The following MYO3B variants were observed in gnomAD, a reference collection of about 807,000 sequenced individuals.
MYO3B encodes the protein myosin IIIB, also known as myosin-IIIb.
Under a neutral mutation model 174.6 loss-of-function variants are expected in MYO3B, and 156 were observed. The ratio of observed to expected loss-of-function variants is 0.89; its 90% CI spans 0.78 to 1.02. MYO3B has a LOEUF of 1.02. MYO3B is among the 50% of genes least tolerant of loss of function. The probability of loss-of-function intolerance (pLI) is 0.00; values close to 1 mark genes in which losing one functional copy is unlikely to be tolerated. For synonymous variants in MYO3B, 563 were observed against 569.1 expected (o/e 0.99, Z 0.15); for missense variants, 1,632 against 1,639.4 (o/e 1.00, Z 0.08).
At chr2:170,267,898 G>GA (rs1454819266) in intron 7 of MYO3B, among the ~76,000 whole-genome samples, 1 of 152,118 alleles carries the variant, frequency 6.6e-6, no homozygotes, top group African/African-American at 2.4e-5. Flanking sequence ...ATGTTGTAGG[G>GA]AAAAAATGGA....
intron 32 of MYO3B, among the ~76,000 whole-genome samples, chr2:170,572,915 C>G (rs1692534946): frequency 6.6e-6 from 1 of 151,942 alleles, no homozygotes; most frequent in African/African-American, 2.4e-5. Context: ...CTAGTTATTC[C>G]TTAGTCTCTT....
intron 1 of MYO3B, among the ~76,000 whole-genome samples, chr2:170,183,264 A>AC (rs1200413808): frequency 3.3e-5 from 5 of 152,126 alleles, no homozygotes; most frequent in Non-Finnish European, 7.4e-5. Context: ...CTCAAAAAAA[A>AC]ACAATTATTT....
intron 9 of MYO3B, among the ~76,000 whole-genome samples, chr2:170,379,193 AATTTTTT>A (rs2094316639): frequency 7.4e-6 from 1 of 134,632 alleles, no homozygotes; most frequent in African/African-American, 2.8e-5. Flanking sequence ...AATGTGGTAC[AATTTTTT>A]TTTTTTTTTT....
intron 7 of MYO3B, among the ~76,000 whole-genome samples, chr2:170,259,848 G>A (rs545903995): frequency 1.0e-3 from 152 of 152,024 alleles, no homozygotes; most frequent in African/African-American, 3.3e-3. Context: ...GAATGTGTAA[G>A]GAACTTAAAT....
At chr2:170,400,650 C>T (rs928463007) in intron 17 of MYO3B, among the ~76,000 whole-genome samples, 11 of 91,558 alleles carry the variant, frequency 1.2e-4, no homozygotes, top group African/African-American at 4.8e-4. Flanking sequence ...TGATCCACCC[C>T]CCCCCCCTCG....
chr2:170,629,052 C>A (rs111525688), intron 32 of MYO3B, among the ~76,000 whole-genome samples: 5 of 152,290 alleles, frequency 3.3e-5, no homozygotes, highest in Admixed American at 6.5e-5. Flanking sequence ...TTCATCCATA[C>A]CCACAGTGTT....
At chr2:170,262,308 G>T (rs1175066173) in intron 7 of MYO3B, among the ~76,000 whole-genome samples, 3 of 152,156 alleles carry the variant, frequency 2.0e-5, no homozygotes, top group African/African-American at 4.8e-5. Context: ...TGAGAGACGG[G>T]GCTAGATGGT....
chr2:170,212,797 G>A (rs1022456284), intron 3 of MYO3B, among the ~76,000 whole-genome samples: 1 of 152,154 alleles, frequency 6.6e-6, no homozygotes, highest in African/African-American at 2.4e-5. Context: ...CCCAGTGCTC[G>A]TGTCTGGCTC....
At chr2:170,402,770 A>T in intron 18 of MYO3B, 78 bp from the exon 19 acceptor site, 1 of 1,375,274 alleles carries the variant, frequency 7.3e-7, no homozygotes, top group South Asian at 1.9e-5. Context: ...GCTGATAAGC[A>T]CTTGGGCACA....
At chr2:170,261,656 G>A (rs1471652651) in intron 7 of MYO3B, among the ~76,000 whole-genome samples, 2 of 152,218 alleles carry the variant, frequency 1.3e-5, no homozygotes, top group Admixed American at 6.5e-5. Context: ...TCATCATGAA[G>A]TGTACACAGT....
At chr2:170,512,358 C>G (rs971742619) in intron 28 of MYO3B, among the ~76,000 whole-genome samples, 5 of 152,216 alleles carry the variant, frequency 3.3e-5, no homozygotes, top group African/African-American at 7.2e-5. Context: ...GATAAGATGG[C>G]TGATGACCAG....
In MYO3B at chr2:170,445,583, C is replaced by T. The variant is rs111883359; in HGVS notation, c.2730+1537C>T. ...CTCCAACTCCCGACCTCAGGTGATC[C>T]GCCCACCTGGGCCTCCCCAAGTGCT... is the stretch of plus-strand genomic sequence containing the variant. On this transcript the variant is annotated intron_variant, in intron 23 of 34. Transcript: ENST00000408978. 3.4e-3 allele frequency among the ~76,000 whole-genome samples: 517 copies of T among 152,098 alleles called. 1 individual carries two copies. The highest frequency in any genetic ancestry group is 0.011 in the African/African-American group (468 of 41,486).
chr2:170,472,667 TTTTATCTATTTATTTA>T lies in MYO3B; in HGVS notation c.3014+5962_3014+5977del, dbSNP rs1259529893. On this transcript the variant is annotated intron_variant, in intron 25 of 34. Transcript: ENST00000408978. Reference sequence around the variant, plus strand: ...AGGCAGGGATATTTTTCAGCTCACTTTTTATCTATTTATTTATTTATTTATTTATTTATTTATTTAT... The same window carrying T: ...AGGCAGGGATATTTTTCAGCTCACTTTTTATTTATTTATTTATTTATTTAT... 7.9e-3 allele frequency among the ~76,000 whole-genome samples: 1,081 copies of T among 136,518 alleles called. 8 individuals are homozygous for T. Among genetic ancestry groups the T allele is most frequent in the African/African-American group, 0.026 (1,026 of 38,734 alleles). The allele number at this position is 136,518 out of a possible 152,430, so 89.6% of individuals were successfully genotyped here.
Position 170,434,668 on chromosome 2 carries a change from A to G in MYO3B, c.2651-9299A>G, listed in dbSNP as rs188458286. Among the ~76,000 whole-genome samples, 369 of 152,316 alleles carry G rather than the reference A, an allele frequency of 2.4e-3. 1 individual carries two copies. The highest frequency in any genetic ancestry group is 8.5e-3 in the African/African-American group (355 of 41,574). ...TCAGGGTGGAGTAGGTAATTGAAAA[A>G]GGTTGCTTTACGAGGAAGTTAAGTT... On this transcript the variant is annotated intron_variant, in intron 22 of 34. Coordinates refer to ENST00000408978, the MANE Select transcript of MYO3B (RefSeq NM_138995.5).
chr2:170,240,901 T>A (rs1387496395), intron 7 of MYO3B, among the ~76,000 whole-genome samples: 1 of 152,218 alleles, frequency 6.6e-6, no homozygotes, highest in Non-Finnish European at 1.5e-5. Flanking sequence ...GCTTTTTAGT[T>A]CCTAATTTAG....
chr2:170,564,344 A>G (rs1559119823), intron 32 of MYO3B, among the ~76,000 whole-genome samples: 1 of 152,148 alleles, frequency 6.6e-6, no homozygotes, highest in Non-Finnish European at 1.5e-5. Flanking sequence ...GTGATGGTAC[A>G]TGCCTGTAAT....
At chr2:170,591,542 T>C (rs895294668) in intron 32 of MYO3B, among the ~76,000 whole-genome samples, 22 of 152,108 alleles carry the variant, frequency 1.4e-4, no homozygotes, top group African/African-American at 5.1e-4. Flanking sequence ...AGTTGGCAGG[T>C]CTAGTGTAGA....
chr2:170,524,006 T>C (rs1313001784), intron 30 of MYO3B, among the ~76,000 whole-genome samples: 1 of 151,972 alleles, frequency 6.6e-6, no homozygotes, highest in Non-Finnish European at 1.5e-5. Context: ...TGGGAGCAGA[T>C]AGGTACCAGG....
chr2:170,457,070 C>T (rs971015485), intron 23 of MYO3B, among the ~76,000 whole-genome samples: 1 of 152,020 alleles, frequency 6.6e-6, no homozygotes, highest in African/African-American at 2.4e-5. Context: ...AAATGTGGTA[C>T]AAAAGATTAA....
Sources: allele counts gnomAD v4.1 joint callset (sites outside exome capture counted in the v4.1 genomes callset), GRCh38; gene constraint gnomAD v4.1.1; transcripts MANE v1.5; gene names NCBI Gene and HGNC (gene_info 2026-07-23, HGNC 2026-07-21).